Variants in APPL1 observed in about 807,000 individuals in gnomAD.
APPL1 encodes adaptor protein, phosphotyrosine interacting with PH domain and leucine zipper 1, also known as DCC-interacting protein 13-alpha.
In APPL1, 42 loss-of-function variants were observed where a neutral mutation model predicts 106.8. That is an observed-to-expected ratio of 0.39 (90% CI 0.31 to 0.51). The LOEUF is 0.51. Ranked by LOEUF, APPL1 falls within the 20% of genes least tolerant of loss-of-function variation. APPL1 has a pLI of 0.75. For synonymous variants in APPL1, 263 were observed against 281.8 expected, an observed-to-expected ratio of 0.93 and a Z score of 0.67; for missense variants, 769 against 858.2, an observed-to-expected ratio of 0.90 and a Z score of 1.30.
chr3:57,227,967 G>A, intron 1 of APPL1, 30 bp downstream of exon 1: 1 of 1,414,716 alleles, frequency 7.1e-7, no homozygotes, highest in South Asian at 1.4e-5. Flanking sequence ...GGGCGACGAG[G>A]GAGAGCCCAG....
At chr3:57,251,429 C>A (rs2107604596) in intron 11 of APPL1, among the ~76,000 whole-genome samples, 1 of 148,902 alleles carries the variant, frequency 6.7e-6, no homozygotes, top group South Asian at 2.1e-4. Flanking sequence ...GAGGCTGACA[C>A]AGGGAGAATT....
At chr3:57,254,148 C>T (rs1401576871) in intron 13 of APPL1, among the ~76,000 whole-genome samples, 3 of 152,166 alleles carry the variant, frequency 2.0e-5, no homozygotes, top group Admixed American at 6.5e-5. Flanking sequence ...CAGGCGTGAG[C>T]CACTGTGCCT....
intron 19 of APPL1, among the ~76,000 whole-genome samples, chr3:57,264,584 AAAAAAAAT>A (rs1262455940): frequency 1.6e-5 from 2 of 128,862 alleles, no homozygotes; most frequent in African/African-American, 4.8e-5. Flanking sequence ...AAAAAAAATA[AAAAAAAAT>A]TTTTTTAAAA....
At chr3:57,257,084 A>T in intron 14 of APPL1, 33 bp downstream of exon 14, 1 of 1,600,268 alleles carries the variant, frequency 6.2e-7, no homozygotes, top group Non-Finnish European at 8.6e-7. Context: ...TTAAAGAAGG[A>T]GATGGGCTAT....
intron 19 of APPL1, among the ~76,000 whole-genome samples, chr3:57,263,418 C>T (rs1485756485): frequency 1.5e-4 from 22 of 144,060 alleles, no homozygotes; most frequent in African/African-American, 4.7e-4. Flanking sequence ...CACTACCCTT[C>T]TCAGCCTCTG....
intron 1 of APPL1, 85 bp from the exon 2 acceptor site, chr3:57,235,481 C>T (rs1217808214): frequency 2.9e-5 from 23 of 788,150 alleles, no homozygotes; most frequent in South Asian, 4.6e-5. Context: ...TAATATCCTA[C>T]GATTTTTGCT....
Position 57,261,138 on chromosome 3 carries a change from T to C in APPL1, c.1842+364T>C, listed in dbSNP as rs2060863083. ...ATCACTCAGCCTTCCCAGTCTCTGTTGTCTGTCATTCCACACTCTGCCTCC... is the reference window on the plus strand; with the variant it reads ...ATCACTCAGCCTTCCCAGTCTCTGTCGTCTGTCATTCCACACTCTGCCTCC... On this transcript the variant is annotated intron_variant, in intron 19 of 21. Transcript: ENST00000288266. 2.0e-5 allele frequency among the ~76,000 whole-genome samples: 3 copies of C among 152,260 alleles called. No homozygotes were observed. In the South Asian group the frequency reaches 6.2e-4, roughly 32 times the overall value.
chr3:57,268,328 T>C (rs1260312519), intron 20 of APPL1, 70 bp from the exon 21 acceptor site: 3 of 1,386,062 alleles, frequency 2.2e-6, no homozygotes, highest in Non-Finnish European at 2.9e-6. Flanking sequence ...CCATGTGATA[T>C]TAACTGAAAT....
chr3:57,256,948 T>C lies in APPL1; in HGVS notation c.1153-9T>C, dbSNP rs1308591392. 2 of 1,612,852 alleles carry C rather than the reference T, an allele frequency of 1.2e-6. No individual in the cohort carries two copies. Among genetic ancestry groups the C allele is most frequent in the East Asian group, 2.2e-5 (1 of 44,890 alleles). ...TAATATTAGTCCTTTTTTAAAAAAA[T>C]TGAAATAGGAAACTGCTGCACGAGT... On this transcript the variant is annotated splice_polypyrimidine_tract_variant and intron_variant, in intron 13 of 21. Transcript: ENST00000288266.
intron 4 of APPL1, among the ~76,000 whole-genome samples, chr3:57,238,437 C>T (rs1164383019): frequency 6.6e-6 from 1 of 152,168 alleles, no homozygotes; most frequent in Non-Finnish European, 1.5e-5. Flanking sequence ...TGCTCTTTTG[C>T]TATTAAGCAA....
intron 1 of APPL1, among the ~76,000 whole-genome samples, chr3:57,235,272 G>A (rs1010933393): frequency 1.3e-5 from 2 of 151,968 alleles, no homozygotes; most frequent in Non-Finnish European, 1.5e-5. Flanking sequence ...AGCTTTGAAC[G>A]TTTCTGTTGA....
chr3:57,269,434 AC>A, intron 21 of APPL1, 106 bp from the exon 22 acceptor site: 1 of 1,127,822 alleles, frequency 8.9e-7, no homozygotes, highest in South Asian at 1.8e-5. Context: ...AAGTATGCAT[AC>A]ATATTTATGA....
Position 57,252,254 on chromosome 3 carries a change from T to C in APPL1, c.1053-15T>C. 1 of 1,604,918 alleles carries C rather than the reference T, an allele frequency of 6.2e-7. No homozygotes were observed. ...TTTTTAAACAGTTGAGGCTCAAACGTCTCTTCTCTTCCAGATCTTCAATTT... is the reference window on the plus strand; with the variant it reads ...TTTTTAAACAGTTGAGGCTCAAACGCCTCTTCTCTTCCAGATCTTCAATTT... On this transcript the variant is annotated splice_polypyrimidine_tract_variant and intron_variant, in intron 11 of 21. Transcript: ENST00000288266.
intron 18 of APPL1, 64 bp from the exon 19 acceptor site, chr3:57,260,564 G>A: frequency 6.9e-7 from 1 of 1,439,452 alleles, no homozygotes; most frequent in Non-Finnish European, 9.3e-7. Context: ...ATATGAGTTT[G>A]TCACAAGTGC....
chr3:57,254,000 T>C (rs1405018451), intron 13 of APPL1, among the ~76,000 whole-genome samples: 35 of 152,176 alleles, frequency 2.3e-4, no homozygotes, highest in African/African-American at 7.5e-4. Flanking sequence ...GTAGCTGAGA[T>C]TACAGGCGTG....
Position 57,235,590 on chromosome 3 carries a change from GA to G in APPL1, c.81del (p.Glu28LysfsTer10). ...GACAAGGTCTTTACTAGGTGTATTT[GA>G]AGAAGATGCCACAGCTATTTCCAAC... is the stretch of plus-strand genomic sequence containing the variant. ...PQTRSLLGVF[E>X]EDATAISNYM... is the part of the protein sequence containing the mutation. On this transcript the variant is annotated frameshift_variant, in exon 2 of 22. Coordinates refer to ENST00000288266, the MANE Select transcript of APPL1 (RefSeq NM_012096.3). LOFTEE classifies it high-confidence loss of function. 1 of 1,612,518 alleles carries G rather than the reference GA, an allele frequency of 6.2e-7. No individual in the cohort carries two copies. Among genetic ancestry groups the G allele is most frequent in the Non-Finnish European group, 8.5e-7 (1 of 1,178,864 alleles).
rs1205082533 is a variant in APPL1 at position 57,257,057 on chromosome 3, T to G, written c.1247+6T>G. On this transcript the variant is annotated splice_donor_region_variant and intron_variant, in intron 14 of 21. Coordinates refer to ENST00000288266, the MANE Select transcript of APPL1 (RefSeq NM_012096.3). ...AGCCTGCGGCCAGCAGCAGGGTAAG[T>G]TACCACACTGAGTTATTTAAAGAAG... The G allele has an allele frequency of 1.9e-6, 3 of 1,613,646 alleles. No homozygotes were observed. In the South Asian group the frequency reaches 3.3e-5, roughly 18 times the overall value.
intron 1 of APPL1, among the ~76,000 whole-genome samples, chr3:57,233,050 A>G (rs953254554): frequency 6.6e-6 from 1 of 152,098 alleles, no homozygotes; most frequent in African/African-American, 2.4e-5. Flanking sequence ...GGTTCATAAG[A>G]TTCGAACTCT....
Position 57,235,430 on chromosome 3 carries a change from A to G in APPL1, c.55-136A>G, listed in dbSNP as rs528126938. On this transcript the variant is annotated intron_variant, in intron 1 of 21. Coordinates refer to ENST00000288266, the MANE Select transcript of APPL1 (RefSeq NM_012096.3). ...AAAAGACTTCTTAACATTACTATCAAAAGAGACAAAATAGATTAAAACTCA... is the reference window on the plus strand; with the variant it reads ...AAAAGACTTCTTAACATTACTATCAGAAGAGACAAAATAGATTAAAACTCA... The G allele has an allele frequency of 1.9e-3, 941 of 504,274 alleles. 4 individuals are homozygous for G. The highest frequency in any genetic ancestry group is 2.8e-3 in the Non-Finnish European group (817 of 287,188). 31.2% of individuals were successfully genotyped at this position (504,274 alleles called of 1,614,324 possible).
Sources: allele counts gnomAD v4.1 joint callset (sites outside exome capture counted in the v4.1 genomes callset), GRCh38; gene constraint gnomAD v4.1.1; transcripts MANE v1.5; gene names NCBI Gene and HGNC (gene_info 2026-07-23, HGNC 2026-07-21).